Variants in COL14A1 observed in about 807,000 individuals in gnomAD.
COL14A1 encodes the protein collagen type XIV alpha 1 chain.
COL14A1 carries 136 observed loss-of-function variants against 230.3 expected under a neutral mutation model. The observed-to-expected ratio is 0.59, with a 90% confidence interval of 0.51 to 0.68. COL14A1 has a LOEUF of 0.68. Among genes scored for constraint, COL14A1 ranks in the 30% least tolerant of loss-of-function variants. The pLI is 0.00. For synonymous variants in COL14A1, 792 were observed against 784.1 expected, an observed-to-expected ratio of 1.01 and a Z score of -0.17; for missense variants, 1,976 against 2,215.8, an observed-to-expected ratio of 0.89 and a Z score of 2.17.
chr8:120,261,517 A>G (rs769969869), intron 23 of COL14A1, among the ~76,000 whole-genome samples: 9 of 152,206 alleles, frequency 5.9e-5, no homozygotes, highest in Non-Finnish European at 1.0e-4. Context: ...TAATTAATCC[A>G]GATTCCTCAG....
At chr8:120,136,514 C>T (rs992101562) in intron 1 of COL14A1, among the ~76,000 whole-genome samples, 1 of 152,054 alleles carries the variant, frequency 6.6e-6, no homozygotes, top group Non-Finnish European at 1.5e-5. Flanking sequence ...ACCAATATTA[C>T]ATTCCTGTAA....
chr8:120,366,679 C>G (rs1263440300), intron 45 of COL14A1, among the ~76,000 whole-genome samples: 2 of 152,332 alleles, frequency 1.3e-5, no homozygotes, highest in African/African-American at 2.4e-5. Context: ...AAATCAAACA[C>G]AGGCTTTTCT....
In COL14A1 at chr8:120,140,881, T is replaced by A. The variant is rs148077713; in HGVS notation, c.-37-6925T>A. ...AATGGGCCTAGTTTTATGTTACTGATTGTAAAATTATGACAGTGTTTTAAG... is the reference window on the plus strand; with the variant it reads ...AATGGGCCTAGTTTTATGTTACTGAATGTAAAATTATGACAGTGTTTTAAG... On this transcript the variant is annotated intron_variant, in intron 1 of 47. Coordinates refer to ENST00000297848, the MANE Select transcript of COL14A1 (RefSeq NM_021110.4). Among the ~76,000 whole-genome samples, 19 of 152,322 alleles carry A rather than the reference T, an allele frequency of 1.2e-4. No homozygotes were observed. The East Asian group carries it at 3.7e-3, about 29-fold the overall frequency.
At position 120,310,101 on chromosome 8, in the gene COL14A1, T is replaced by A. The variant is rs928808561; in HGVS notation, c.4455+39T>A. On this transcript the variant is annotated intron_variant, in intron 37 of 47. Transcript: ENST00000297848. The stretch of plus-strand genomic sequence containing the variant: ...TTTCTCTCTCTCTCTGTCTCATCTC[T>A]CTCTCTCTCTCATAAATAGCCATCA... 1.9e-6 allele frequency: 3 copies of A among 1,598,058 alleles called. No individual in the cohort carries two copies. In the East Asian group the frequency reaches 6.7e-5, roughly 36 times the overall value.
chr8:120,153,066 A>G (rs951142290), intron 2 of COL14A1, among the ~76,000 whole-genome samples: 2 of 127,900 alleles, frequency 1.6e-5, no homozygotes, highest in African/African-American at 2.6e-5. Context: ...AAACCACATT[A>G]AAAAAAAATC....
intron 40 of COL14A1, among the ~76,000 whole-genome samples, chr8:120,319,331 A>C (rs550485168): frequency 7.3e-4 from 111 of 151,026 alleles, no homozygotes; most frequent in African/African-American, 2.6e-3. Flanking sequence ...TAATTTTTTT[A>C]TTTTATTTAT....
chr8:120,365,302 T>C (rs1250754909), intron 45 of COL14A1, among the ~76,000 whole-genome samples: 1 of 152,200 alleles, frequency 6.6e-6, no homozygotes, highest in Non-Finnish European at 1.5e-5. Context: ...AAGATGATCC[T>C]GCACCGTGAG....
rs1260302817 is a variant in COL14A1 at position 120,365,006 on chromosome 8, A to AT, written c.5078-2156dup. Among the ~76,000 whole-genome samples, 4 of 139,054 alleles carry AT rather than the reference A, an allele frequency of 2.9e-5. No individual in the cohort carries two copies. In the East Asian group the frequency reaches 8.0e-4, roughly 28 times the overall value. The allele number at this position is 139,054 out of a possible 152,430, so 91.2% of individuals were successfully genotyped here. On this transcript the variant is annotated intron_variant, in intron 45 of 47. Coordinates refer to ENST00000297848, the MANE Select transcript of COL14A1 (RefSeq NM_021110.4). ...TTTCTAAGGCATTTCAAGGGCTGGA[A>AT]TTTTTTTTTAATATTTTTTGTGAGG...
rs1817340674 is a variant in COL14A1 at position 120,203,886 on chromosome 8, G to C, written c.1039+16G>C. 7 of 1,611,536 alleles carry C rather than the reference G, an allele frequency of 4.3e-6. 1 individual carries two copies. In the Admixed American group the frequency reaches 8.3e-5, roughly 19 times the overall value. On this transcript the variant is annotated intron_variant, in intron 9 of 47. Coordinates refer to ENST00000297848, the MANE Select transcript of COL14A1 (RefSeq NM_021110.4). ...GAAATTAAAGGTAAAATGAGTGACA[G>C]AGCAGTCCTGTGGATGTCAGTATTA...
chr8:120,200,133 C>T (rs1437420130), intron 8 of COL14A1, among the ~76,000 whole-genome samples: 2 of 95,484 alleles, frequency 2.1e-5, no homozygotes, highest in Non-Finnish European at 4.2e-5. Flanking sequence ...AAAATGTTAA[C>T]ATTTTCTTTG....
intron 45 of COL14A1, among the ~76,000 whole-genome samples, chr8:120,349,862 T>G (rs1586888576): frequency 1.4e-5 from 2 of 146,516 alleles, no homozygotes; most frequent in African/African-American, 2.6e-5. Context: ...CAGGCCAATG[T>G]TCAGATTCAG....
chr8:120,150,426 G>T (rs1338861238), intron 2 of COL14A1, among the ~76,000 whole-genome samples: 1 of 152,072 alleles, frequency 6.6e-6, no homozygotes, highest in East Asian at 1.9e-4. Context: ...CATTTAAGGG[G>T]TATAAGAGAG....
chr8:120,214,237 T>C (rs1204065654), intron 13 of COL14A1, among the ~76,000 whole-genome samples: 1 of 152,190 alleles, frequency 6.6e-6, no homozygotes, highest in Non-Finnish European at 1.5e-5. Context: ...TAAATTCTAA[T>C]TGCTCTTCTG....
chr8:120,267,951 A>G (rs542779862), intron 25 of COL14A1, among the ~76,000 whole-genome samples: 2 of 151,942 alleles, frequency 1.3e-5, no homozygotes, highest in Admixed American at 6.6e-5. Context: ...TCCATTCACA[A>G]TGCATCTTAA....
At chr8:120,316,054 C>T (rs1402945184) in intron 40 of COL14A1, 57 bp downstream of exon 40, 1 of 1,558,958 alleles carries the variant, frequency 6.4e-7, no homozygotes, top group Non-Finnish European at 8.8e-7. Context: ...CACCAGGTCA[C>T]TCTTATTGCT....
At chr8:120,270,481 G>A (rs1819625991) in intron 26 of COL14A1, among the ~76,000 whole-genome samples, 1 of 151,596 alleles carries the variant, frequency 6.6e-6, no homozygotes, top group Non-Finnish European at 1.5e-5. Flanking sequence ...TATTTTCCCT[G>A]CCCTTAAGCA....
intron 1 of COL14A1, among the ~76,000 whole-genome samples, chr8:120,127,935 A>T (rs1220468751): frequency 6.6e-6 from 1 of 152,224 alleles, no homozygotes; most frequent in African/African-American, 2.4e-5. Context: ...GGATTATGAT[A>T]GTCCATTGAG....
intron 40 of COL14A1, among the ~76,000 whole-genome samples, chr8:120,319,698 A>G (rs575212293): frequency 1.0e-3 from 154 of 152,312 alleles, no homozygotes; most frequent in African/African-American, 3.5e-3. Context: ...GCTTTTCCCA[A>G]GGGGAATCTT....
chr8:120,201,004 C>T (rs1817232666), intron 8 of COL14A1, among the ~76,000 whole-genome samples: 1 of 151,234 alleles, frequency 6.6e-6, no homozygotes. Context: ...AAAAAGTATC[C>T]AATAAATGGC....
Sources: allele counts gnomAD v4.1 joint callset (sites outside exome capture counted in the v4.1 genomes callset), GRCh38; gene constraint gnomAD v4.1.1; transcripts MANE v1.5; gene names NCBI Gene and HGNC (gene_info 2026-07-23, HGNC 2026-07-21).